Variants in KDM2A observed in about 807,000 individuals in gnomAD.
The protein encoded by KDM2A is lysine demethylase 2A, also known as lysine-specific demethylase 2A.
A neutral mutation model predicts 137.3 loss-of-function variants in KDM2A; 3 were observed. The observed-to-expected ratio is 0.02, with a 90% CI of 0.01 to 0.06. KDM2A has a LOEUF of 0.06. KDM2A is among the 10% of genes least tolerant of loss of function. The pLI is 1.00. For synonymous variants in KDM2A, 512 were observed against 541.5 expected, an observed-to-expected ratio of 0.95 and a Z score of 0.76; for missense variants, 738 against 1,510.6, an observed-to-expected ratio of 0.49 and a Z score of 8.48.
At chr11:67,196,249 A>AC in intron 5 of KDM2A, 1 of 456,180 alleles carries the variant, frequency 2.2e-6, no homozygotes, top group Non-Finnish European at 4.4e-6. Flanking sequence ...GATGCAGGCT[A>AC]CCACTGCTGC....
At chr11:67,124,075 C>T (rs1031292242) in intron 2 of KDM2A, among the ~76,000 whole-genome samples, 1 of 152,084 alleles carries the variant, frequency 6.6e-6, no homozygotes, top group Admixed American at 6.6e-5. Context: ...ACTATCAGGG[C>T]TCACTGCAAC....
chr11:67,146,633 C>G (rs1392367627), intron 2 of KDM2A, among the ~76,000 whole-genome samples: 1 of 152,026 alleles, frequency 6.6e-6, no homozygotes, highest in Non-Finnish European at 1.5e-5. Flanking sequence ...CTCAGCCCCA[C>G]AAGTACCAGG....
At chr11:67,224,828 ATTTTTT>A (rs764581976) in intron 10 of KDM2A, among the ~76,000 whole-genome samples, 4 of 66,300 alleles carry the variant, frequency 6.0e-5, no homozygotes, top group African/African-American at 8.3e-5. Context: ...CAGCTGCAGC[ATTTTTT>A]TTTTTTTTTT....
chr11:67,181,069 CT>C (rs1857082532), intron 3 of KDM2A, among the ~76,000 whole-genome samples: 1 of 150,434 alleles, frequency 6.6e-6, no homozygotes, highest in Non-Finnish European at 1.5e-5. Context: ...TATTTAAGCT[CT>C]AAATTTCCTG....
chr11:67,201,234 G>GTGTATA lies in KDM2A; in HGVS notation c.308-6275_308-6274insGTATAT, dbSNP rs555985556. The stretch of plus-strand genomic sequence containing the variant: ...TATATATATATGTGTGTGTGTGTGT[G>GTGTATA]TATATATATATATTTCATAAGGCTA... On this transcript the variant is annotated intron_variant, in intron 5 of 20. Coordinates refer to ENST00000529006, the MANE Select transcript of KDM2A (RefSeq NM_012308.3). Among the ~76,000 whole-genome samples, 79 of 145,668 alleles carry GTGTATA rather than the reference G, an allele frequency of 5.4e-4. No individual in the cohort carries two copies. The East Asian group carries it at 0.014, about 26-fold the overall frequency.
At chr11:67,225,922 G>A (rs370229936) in intron 10 of KDM2A, among the ~76,000 whole-genome samples, 1 of 151,426 alleles carries the variant, frequency 6.6e-6, no homozygotes, top group East Asian at 2.0e-4. Context: ...AAAATTAGCT[G>A]GTCATGGTGG....
rs747740113 is a variant in KDM2A at position 67,252,592 on chromosome 11, A to G, written c.2769-102A>G. 1.5e-5 allele frequency: 19 copies of G among 1,271,734 alleles called. No homozygotes were observed. The South Asian group carries it at 2.2e-4, about 14-fold the overall frequency. The allele number at this position is 1,271,734 out of a possible 1,614,324, so 78.8% of individuals were successfully genotyped here. ...ATCCCTGTACACTTGTAGAAGAACG[A>G]GCCTCCAGGTACTCTGCTTTTCCCA... On this transcript the variant is annotated intron_variant, in intron 17 of 20. Coordinates refer to ENST00000529006, the MANE Select transcript of KDM2A (RefSeq NM_012308.3).
Position 67,254,520 on chromosome 11 carries a change from C to A in KDM2A, c.3307+102C>A. 1.0e-6 allele frequency: 1 copy of A among 968,164 alleles called. No individual in the cohort carries two copies. The highest frequency in any genetic ancestry group is 1.6e-6 in the Non-Finnish European group (1 of 613,134). 60.0% of individuals were successfully genotyped at this position (968,164 alleles called of 1,614,324 possible). ...AATGACCTTGGGTCTGTTGATTGAC[C>A]CACATCAGCTCATTTCTTCACATCT... On this transcript the variant is annotated intron_variant, in intron 20 of 20. Transcript: ENST00000529006. This position sits in a 1 kb window ranked among gnomAD's most constrained non-coding sequence, Gnocchi z 4.7.
chr11:67,196,529 GATT>G (rs758669036), intron 5 of KDM2A: 1 of 453,484 alleles, frequency 2.2e-6, no homozygotes, highest in Non-Finnish European at 4.4e-6. Flanking sequence ...CCATTCACTG[GATT>G]ATTATTTAGC....
chr11:67,223,902 C>T (rs1437821126), intron 10 of KDM2A, among the ~76,000 whole-genome samples: 1 of 152,178 alleles, frequency 6.6e-6, no homozygotes, highest in Non-Finnish European at 1.5e-5. Flanking sequence ...TGTTGTCTCT[C>T]TCCTCTGTCT....
rs1855595809 is a variant in KDM2A, at chr11:67,121,475, G to T, written c.42+117G>T. 6 of 931,788 alleles carry T rather than the reference G, an allele frequency of 6.4e-6. No individual in the cohort carries two copies. The East Asian group carries it at 1.3e-4, about 20-fold the overall frequency. 57.7% of individuals were successfully genotyped at this position (931,788 alleles called of 1,614,324 possible). Reference sequence around the variant, plus strand: ...AAAACTTTTCGGGTGACTTTTCTGTGCACCAGAGGAGGGGGAAAGGTGTAT... The same window carrying T: ...AAAACTTTTCGGGTGACTTTTCTGTTCACCAGAGGAGGGGGAAAGGTGTAT... On this transcript the variant is annotated intron_variant, in intron 2 of 20. Coordinates refer to ENST00000529006, the MANE Select transcript of KDM2A (RefSeq NM_012308.3).
intron 2 of KDM2A, among the ~76,000 whole-genome samples, chr11:67,172,810 A>G (rs1339279189): frequency 6.6e-6 from 1 of 152,168 alleles, no homozygotes; most frequent in Non-Finnish European, 1.5e-5. Context: ...TTTTGAATAG[A>G]AGTGGGGAAT....
intron 2 of KDM2A, among the ~76,000 whole-genome samples, chr11:67,151,049 G>T (rs567289220): frequency 6.6e-6 from 1 of 152,180 alleles, no homozygotes; most frequent in Non-Finnish European, 1.5e-5. Context: ...TATCATGGTG[G>T]ATAGTAGAAG....
At chr11:67,169,905 G>C (rs940124175) in intron 2 of KDM2A, among the ~76,000 whole-genome samples, 5 of 151,054 alleles carry the variant, frequency 3.3e-5, no homozygotes, top group Non-Finnish European at 5.9e-5. Flanking sequence ...TTACAGGCAC[G>C]TGCCACCATG....
chr11:67,132,141 C>T (rs1311489461), intron 2 of KDM2A: 1 of 152,150 alleles, frequency 6.6e-6, no homozygotes, highest in African/African-American at 2.4e-5. Flanking sequence ...CTTTATACTA[C>T]TACTATAAGG....
intron 5 of KDM2A, among the ~76,000 whole-genome samples, chr11:67,194,606 C>A (rs1857435813): frequency 6.6e-6 from 1 of 152,148 alleles, no homozygotes; most frequent in Non-Finnish European, 1.5e-5. Context: ...TACATAGGCA[C>A]CCAATACATA....
At chr11:67,173,221 C>T (rs1856913432) in intron 2 of KDM2A, among the ~76,000 whole-genome samples, 2 of 152,206 alleles carry the variant, frequency 1.3e-5, no homozygotes, top group Admixed American at 6.5e-5. Flanking sequence ...CTCGCGGGTT[C>T]AAGCAATTCT....
At chr11:67,227,930 G>T (rs1565414301) in intron 10 of KDM2A, 107 bp from the exon 11 acceptor site, 3 of 1,193,048 alleles carry the variant, frequency 2.5e-6, no homozygotes, top group Non-Finnish European at 3.6e-6. Context: ...TGGGTTTGCA[G>T]GTTGACTGGT....
At chr11:67,155,973 G>C (rs1267652995) in intron 2 of KDM2A, among the ~76,000 whole-genome samples, 4 of 150,452 alleles carry the variant, frequency 2.7e-5, no homozygotes, top group Non-Finnish European at 4.4e-5. Flanking sequence ...GGAAGGGCGG[G>C]GCGCAGGGCT....
Sources: allele counts gnomAD v4.1 joint callset (sites outside exome capture counted in the v4.1 genomes callset), GRCh38; gene constraint gnomAD v4.1.1; non-coding constraint Gnocchi (gnomAD v3.1); transcripts MANE v1.5; gene names NCBI Gene and HGNC (gene_info 2026-07-23, HGNC 2026-07-21).